ANO3: variants seen among roughly 807,000 people sequenced by gnomAD.
ANO3 encodes the protein anoctamin-3.
A neutral mutation model predicts 144.8 loss-of-function variants in ANO3; 99 were observed. That is an observed-to-expected ratio of 0.68 (90% CI 0.58 to 0.81). The LOEUF is 0.81. ANO3 is among the 30% of genes least tolerant of loss of function. The probability of loss-of-function intolerance (pLI) is 0.00; values close to 1 mark genes in which losing one functional copy is unlikely to be tolerated. For missense variants in ANO3, 905 were observed against 1,202.2 expected, an observed-to-expected ratio of 0.75 and a Z score of 3.66; for synonymous variants, 414 against 392.6, an observed-to-expected ratio of 1.05 and a Z score of -0.64.
intron 14 of ANO3, among the ~76,000 whole-genome samples, chr11:26,562,226 T>C (rs1195431332): frequency 1.3e-5 from 2 of 151,950 alleles, no homozygotes; most frequent in Non-Finnish European, 2.9e-5. Flanking sequence ...TTTTGTTTTG[T>C]ATTAGTTCCT....
Position 26,404,931 on chromosome 11 carries a change from ATATG to A in ANO3, c.47-36985_47-36982del, listed in dbSNP as rs1387122782. Among the ~76,000 whole-genome samples the A allele has an allele frequency of 6.1e-4, 24 of 39,276 alleles. No individual in the cohort carries two copies. The South Asian group carries it at 6.8e-3, about 11-fold the overall frequency. The allele number at this position is 39,276 out of a possible 152,430, so 25.8% of individuals were successfully genotyped here. On this transcript the variant is annotated intron_variant, in intron 1 of 26. Transcript: ENST00000256737. ...GCTAATTTCAGCAAGGAATTTATAT[ATATG>A]TGTGTGTGTGTGTGTGTGTGTGTGT...
intron 1 of ANO3, among the ~76,000 whole-genome samples, chr11:26,349,678 A>C (rs979817232): frequency 9.2e-5 from 14 of 151,976 alleles, no homozygotes; most frequent in Non-Finnish European, 1.8e-4. Context: ...CCTCCGGAGT[A>C]GCTGGGACCT....
At chr11:26,219,580 C>T (rs1852101397) in intron 1 of ANO3, among the ~76,000 whole-genome samples, 1 of 152,070 alleles carries the variant, frequency 6.6e-6, no homozygotes, top group Non-Finnish European at 1.5e-5. Flanking sequence ...GAAAGTGAGA[C>T]ATGCAAAAGA....
upstream of ANO3, among the ~76,000 whole-genome samples, chr11:26,306,580 C>G (rs1215024296): frequency 6.6e-6 from 1 of 152,122 alleles, no homozygotes; most frequent in Non-Finnish European, 1.5e-5. Context: ...GGGAGGATCA[C>G]TGAAGCCTTG....
chr11:26,487,691 G>A (rs1201298152), intron 4 of ANO3, among the ~76,000 whole-genome samples: 2 of 152,144 alleles, frequency 1.3e-5, no homozygotes, highest in Non-Finnish European at 2.9e-5. Flanking sequence ...GAGATGAGGA[G>A]TTTGTTGGGA....
chr11:26,215,478 T>C (rs978628732), intron 1 of ANO3, among the ~76,000 whole-genome samples: 2 of 151,962 alleles, frequency 1.3e-5, no homozygotes, highest in African/African-American at 2.4e-5. Context: ...TATTGGGACA[T>C]TCCTTACTTT....
At chr11:26,617,694 A>T (rs1196795509) in intron 17 of ANO3, among the ~76,000 whole-genome samples, 3 of 152,194 alleles carry the variant, frequency 2.0e-5, no homozygotes, top group Non-Finnish European at 4.4e-5. Flanking sequence ...TTTGCAACTA[A>T]CTCAGGAGAA....
intron 1 of ANO3, among the ~76,000 whole-genome samples, chr11:26,226,877 T>A (rs1019984934): frequency 3.9e-5 from 6 of 152,156 alleles, no homozygotes; most frequent in Admixed American, 3.9e-4. Flanking sequence ...ATCACCATCA[T>A]CCATTTCCAG....
intron 4 of ANO3, among the ~76,000 whole-genome samples, chr11:26,489,364 G>A (rs916607857): frequency 1.3e-5 from 2 of 152,196 alleles, no homozygotes; most frequent in African/African-American, 4.8e-5. Flanking sequence ...GAAATGCCTG[G>A]ATCACCAAGA....
chr11:26,337,817 C>T (rs1855232136), intron 1 of ANO3, among the ~76,000 whole-genome samples: 1 of 152,010 alleles, frequency 6.6e-6, no homozygotes, highest in Non-Finnish European at 1.5e-5. Context: ...CACCTGTAAT[C>T]CCAGCTACTC....
At chr11:26,329,114 A>T (rs1169560202), upstream of ANO3, among the ~76,000 whole-genome samples, 1 of 152,190 alleles carries the variant, frequency 6.6e-6, no homozygotes, top group East Asian at 1.9e-4. Context: ...CATAGTTCAT[A>T]GTTAGCTTAG....
chr11:26,507,149 C>T (rs1310630400), intron 4 of ANO3, among the ~76,000 whole-genome samples: 1 of 152,118 alleles, frequency 6.6e-6, no homozygotes, highest in Non-Finnish European at 1.5e-5. Context: ...GGGCAATGTA[C>T]TGGAAAAGCC....
chr11:26,425,479 C>T (rs1384767462), intron 1 of ANO3, among the ~76,000 whole-genome samples: 1 of 151,908 alleles, frequency 6.6e-6, no homozygotes, highest in Non-Finnish European at 1.5e-5. Flanking sequence ...ATAGGTAAAA[C>T]AATTGAAACA....
chr11:26,275,236 G>T (rs543234393), intron 1 of ANO3, among the ~76,000 whole-genome samples: 1 of 152,160 alleles, frequency 6.6e-6, no homozygotes, highest in East Asian at 1.9e-4. Flanking sequence ...CTGCTAAAAT[G>T]AAATACAATT....
intron 1 of ANO3, among the ~76,000 whole-genome samples, chr11:26,239,052 T>C (rs936805370): frequency 1.0e-4 from 15 of 149,762 alleles, no homozygotes; most frequent in Non-Finnish European, 2.2e-4. Flanking sequence ...TTAATATTTA[T>C]ATTAATTATA....
intron 4 of ANO3, among the ~76,000 whole-genome samples, chr11:26,486,359 T>TGAAAAA (rs1860448594): frequency 2.0e-5 from 1 of 50,078 alleles, no homozygotes; most frequent in African/African-American, 7.5e-5. Flanking sequence ...AGACTCTGTC[T>TGAAAAA]CAAAAAAAAA....
chr11:26,550,496 C>A, intron 12 of ANO3, among the ~76,000 whole-genome samples: 1 of 151,886 alleles, frequency 6.6e-6, no homozygotes, highest in South Asian at 2.1e-4. Flanking sequence ...ATTTTATATA[C>A]CTCATATAAG....
At chr11:26,622,395 G>A (rs554118899) in intron 17 of ANO3, among the ~76,000 whole-genome samples, 1 of 146,096 alleles carries the variant, frequency 6.8e-6, no homozygotes, top group South Asian at 2.2e-4. Context: ...AGGAATTGGA[G>A]ACCAGACTGG....
Position 26,544,273 on chromosome 11 carries a change from T to TATATATATATATATATATATGTATAC in ANO3, c.1154+2206_1154+2207insTATATATATATATATATATGTATACA. Reference sequence around the variant, plus strand: ...ATACATATATATATATATATATATATACACACATACACACACACACACACA... The same window carrying TATATATATATATATATATATGTATAC: ...ATACATATATATATATATATATATATATATATATATATATATATATGTATACACACACATACACACACACACACACA... On this transcript the variant is annotated intron_variant, in intron 11 of 26. Coordinates refer to ENST00000256737, the MANE Select transcript of ANO3 (RefSeq NM_031418.4). Among the ~76,000 whole-genome samples the TATATATATATATATATATATGTATAC allele has an allele frequency of 1.0e-4, 6 of 58,542 alleles. 1 individual carries two copies. Among genetic ancestry groups the TATATATATATATATATATATGTATAC allele is most frequent in the Non-Finnish European group, 2.1e-4 (6 of 28,010 alleles). The allele number at this position is 58,542 out of a possible 152,430, so 38.4% of individuals were successfully genotyped here.
Sources: allele counts gnomAD v4.1 joint callset (sites outside exome capture counted in the v4.1 genomes callset), GRCh38; gene constraint gnomAD v4.1.1; transcripts MANE v1.5; gene names NCBI Gene and HGNC (gene_info 2026-07-23, HGNC 2026-07-21).